The following CYP46A1 variants were observed in gnomAD, a reference collection of about 807,000 sequenced individuals.
CYP46A1 encodes cholesterol 24-hydroxylase.
Under a neutral mutation model 63.3 loss-of-function variants are expected in CYP46A1, and 20 were observed. The ratio of observed to expected loss-of-function variants is 0.32; its 90% CI spans 0.22 to 0.46. The LOEUF (loss-of-function observed/expected upper bound fraction) is 0.46. Among genes scored for constraint, CYP46A1 ranks in the 20% least tolerant of loss-of-function variants. The pLI, the probability that CYP46A1 is intolerant of heterozygous loss-of-function variation, is 1.00. For synonymous variants in CYP46A1, 268 were observed against 273.6 expected, an observed-to-expected ratio of 0.98 and a Z score of 0.20; for missense variants, 445 against 670.8, an observed-to-expected ratio of 0.66 and a Z score of 3.72.
chr14:99,719,325 C>T (rs1210909422), intron 10 of CYP46A1, among the ~76,000 whole-genome samples: 1 of 152,038 alleles, frequency 6.6e-6, no homozygotes, highest in East Asian at 1.9e-4. Context: ...AGTTCTCCTG[C>T]CTCAGCCTCC....
chr14:99,700,705 G>A (rs978668447), intron 5 of CYP46A1, among the ~76,000 whole-genome samples: 12 of 152,226 alleles, frequency 7.9e-5, no homozygotes, highest in African/African-American at 2.4e-4. Context: ...ATTGATAAAT[G>A]ATAATTGACT....
At chr14:99,724,794 G>C (rs1324311419) in intron 12 of CYP46A1, among the ~76,000 whole-genome samples, 1 of 152,178 alleles carries the variant, frequency 6.6e-6, no homozygotes, top group East Asian at 1.9e-4. Flanking sequence ...CCAGCACAGA[G>C]AGCCAGGGGT....
intron 7 of CYP46A1, chr14:99,710,313 G>C (rs1385363918): frequency 6.6e-6 from 1 of 152,076 alleles, no homozygotes; most frequent in Non-Finnish European, 1.5e-5. Context: ...CAAATGACTA[G>C]AGTAAGTCCT....
rs10600179 is a variant in CYP46A1, at chr14:99,722,644, CGTGTGTGTGT to C, written c.1176+604_1176+613del. 6.5e-3 allele frequency among the ~76,000 whole-genome samples: 930 copies of C among 142,258 alleles called. 7 individuals carry two copies. The highest frequency in any genetic ancestry group is 0.022 in the African/African-American group (875 of 39,238). 93.3% of individuals were successfully genotyped at this position (142,258 alleles called of 152,430 possible). A position where few individuals can be genotyped will look rare whatever the true frequency, so the allele number is the denominator to read the frequency against. On this transcript the variant is annotated intron_variant, in intron 12 of 14. Transcript: ENST00000261835. This position sits in a 1 kb window ranked among gnomAD's most constrained non-coding sequence, Gnocchi z 4.6. ...ATCTGAATTGTGTGTTTGCCATTCC[CGTGTGTGTGT>C]GTGTGTGTGTGTGTGTGTGTGTGTG...
chr14:99,695,196 T>C (rs1311459844), intron 3 of CYP46A1, among the ~76,000 whole-genome samples: 1 of 152,254 alleles, frequency 6.6e-6, no homozygotes, highest in East Asian at 1.9e-4. Context: ...TTGAAATTTG[T>C]TTTATGGCCC....
At chr14:99,700,217 A>C in intron 5 of CYP46A1, 116 bp downstream of exon 5, 1 of 597,574 alleles carries the variant, frequency 1.7e-6, no homozygotes, top group African/African-American at 1.9e-5. Flanking sequence ...CCCTCAGCTG[A>C]AGGGAGAGAG....
chr14:99,692,138 T>C (rs2056549232), intron 3 of CYP46A1, among the ~76,000 whole-genome samples: 1 of 152,242 alleles, frequency 6.6e-6, no homozygotes. Flanking sequence ...ACGTTTAGTT[T>C]GCCTCTCTTT....
chr14:99,706,460 C>T, intron 5 of CYP46A1, 187 bp from the exon 6 acceptor site: 1 of 644,872 alleles, frequency 1.6e-6, no homozygotes, highest in Non-Finnish European at 2.6e-6. Flanking sequence ...AATGGTGAAA[C>T]CCCAGGGTGT....
chr14:99,707,937 G>T, intron 7 of CYP46A1: 1 of 440,114 alleles, frequency 2.3e-6, no homozygotes, highest in South Asian at 2.7e-5. Flanking sequence ...GGATGACTAT[G>T]ATGGCTCCAT....
At chr14:99,690,055 TGACCTCAG>T (rs1364389478) in intron 1 of CYP46A1, among the ~76,000 whole-genome samples, 18 of 152,206 alleles carry the variant, frequency 1.2e-4, no homozygotes. Flanking sequence ...AAGCACACTC[TGACCTCAG>T]GACCTTGGCA....
At chr14:99,689,152 G>A (rs908161882) in intron 1 of CYP46A1, among the ~76,000 whole-genome samples, 1 of 152,042 alleles carries the variant, frequency 6.6e-6, no homozygotes, top group African/African-American at 2.4e-5. Context: ...CCCTTCCCTG[G>A]GCTCCAGATC....
intron 7 of CYP46A1, among the ~76,000 whole-genome samples, chr14:99,714,896 C>G (rs755698748): frequency 2.6e-5 from 4 of 152,062 alleles, no homozygotes; most frequent in Non-Finnish European, 4.4e-5. Context: ...TGAAACAAGG[C>G]AAGACCAGAA....
intron 11 of CYP46A1, among the ~76,000 whole-genome samples, 155 bp downstream of exon 11, chr14:99,721,478 C>T (rs1224022169): frequency 2.0e-5 from 3 of 152,130 alleles, no homozygotes; most frequent in Non-Finnish European, 4.4e-5. Flanking sequence ...CCAGGCTGCC[C>T]CAGACTAATG....
In CYP46A1 at chr14:99,726,897, G is replaced by C; in HGVS notation, c.*170G>C. On this transcript the variant is annotated 3_prime_UTR_variant, in exon 15 of 15. Coordinates refer to ENST00000261835, the MANE Select transcript of CYP46A1 (RefSeq NM_006668.2). ...TGCTTCACACCCCTCAGCGCTCCCT[G>C]TCGCCTGCGGACTCCATGGCCCTTC... 3.9e-6 allele frequency: 2 copies of C among 515,246 alleles called. No individual in the cohort carries two copies. The highest frequency in any genetic ancestry group is 7.3e-5 in the Admixed American group (2 of 27,400). 31.9% of individuals were successfully genotyped at this position (515,246 alleles called of 1,614,324 possible).
In CYP46A1 at chr14:99,726,924, T is replaced by C. The variant is rs1177672553; in HGVS notation, c.*197T>C. On this transcript the variant is annotated 3_prime_UTR_variant, in exon 15 of 15. Coordinates refer to ENST00000261835, the MANE Select transcript of CYP46A1 (RefSeq NM_006668.2). ...CGCCTGCGGACTCCATGGCCCTTCC[T>C]GGACTGGCCCTTGCCCAACTCCCAG... 2.2e-5 allele frequency: 10 copies of C among 458,170 alleles called. No homozygotes were observed. The highest frequency in any genetic ancestry group is 3.8e-5 in the Non-Finnish European group (10 of 263,768). 28.4% of individuals were successfully genotyped at this position (458,170 alleles called of 1,614,324 possible).
chr14:99,687,806 G>A (rs919609102), intron 1 of CYP46A1, among the ~76,000 whole-genome samples: 5 of 152,156 alleles, frequency 3.3e-5, no homozygotes, highest in Admixed American at 2.0e-4. Flanking sequence ...GGGCTGCTCT[G>A]CTGTGTCCAG....
In CYP46A1 at chr14:99,711,776, G is replaced by A. The variant is rs142605933; in HGVS notation, c.694-4034G>A. The A allele has an allele frequency of 2.2e-4, 34 of 152,140 alleles. No individual in the cohort carries two copies. The East Asian group carries it at 6.2e-3, about 28-fold the overall frequency. The allele number at this position is 152,140 out of a possible 1,614,324, so 9.4% of individuals were successfully genotyped here. ...GGGAACTCTTCCTAACTTATTCTAT[G>A]AGGCCAGCACTACCCTACCCTGATA... On this transcript the variant is annotated intron_variant, in intron 7 of 14. Transcript: ENST00000261835.
Position 99,721,964 on chromosome 14 carries a change from A to G in CYP46A1, c.1074A>G (p.Lys358=), listed in dbSNP as rs749795671. Reference sequence around the variant, plus strand: ...CCTTGTGGCTTCTCTAGGTCCTCAAAGAGTCGCTGAGGCTGTACCCACCAG... The same window carrying G: ...CCTTGTGGCTTCTCTAGGTCCTCAAGGAGTCGCTGAGGCTGTACCCACCAG... ...GRLQYLSQVL[K]ESLRLYPPAW... The change falls in exon 12 of 15, where the codon AAA becomes AAG. Residue 358 remains lysine (K), a synonymous_variant. Coordinates refer to ENST00000261835, the MANE Select transcript of CYP46A1 (RefSeq NM_006668.2). The G allele has an allele frequency of 5.0e-6, 8 of 1,612,844 alleles. No homozygotes were observed. In the Admixed American group the frequency reaches 1.0e-4, roughly 20 times the overall value.
intron 3 of CYP46A1, among the ~76,000 whole-genome samples, chr14:99,694,371 C>CTTTTTTTTTT (rs74872295): frequency 2.3e-5 from 2 of 86,298 alleles, no homozygotes; most frequent in African/African-American, 4.3e-5. Context: ...TTTGGGTTTT[C>CTTTTTTTTTT]TTTTTTTTTT....
Sources: allele counts gnomAD v4.1 joint callset (sites outside exome capture counted in the v4.1 genomes callset), GRCh38; gene constraint gnomAD v4.1.1; non-coding constraint Gnocchi (gnomAD v3.1); transcripts MANE v1.5; gene names NCBI Gene and HGNC (gene_info 2026-07-23, HGNC 2026-07-21).